GRM8: variants seen among roughly 807,000 people sequenced by gnomAD.
GRM8 encodes metabotropic glutamate receptor 8.
A neutral mutation model predicts 87.2 loss-of-function variants in GRM8; 47 were observed. The observed-to-expected ratio is 0.54, with a 90% confidence interval of 0.43 to 0.69. GRM8 has a LOEUF of 0.69. GRM8 is among the 30% of genes least tolerant of loss of function. The pLI, the probability that GRM8 is intolerant of heterozygous loss-of-function variation, is 0.00. For missense variants in GRM8, 1,019 were observed against 1,139.2 expected (o/e 0.89, Z 1.52); for synonymous variants, 396 against 404.5 (o/e 0.98, Z 0.25).
intron 8 of GRM8, among the ~76,000 whole-genome samples, chr7:126,563,616 T>A (rs1349695322): frequency 6.6e-6 from 1 of 152,188 alleles, no homozygotes; most frequent in Non-Finnish European, 1.5e-5. Flanking sequence ...CTCAAGGGCA[T>A]CAAGCTGTGG....
At chr7:126,687,556 G>T (rs1808319851) in intron 7 of GRM8, among the ~76,000 whole-genome samples, 1 of 151,154 alleles carries the variant, frequency 6.6e-6, no homozygotes. Context: ...CTACAAATAT[G>T]CTTTTATTTA....
intron 9 of GRM8, among the ~76,000 whole-genome samples, chr7:126,526,378 A>ACC (rs577655434): frequency 1.1e-3 from 165 of 152,294 alleles, no homozygotes; most frequent in African/African-American, 3.9e-3. Flanking sequence ...GGATTTTTCA[A>ACC]TCATATTCAG....
chr7:126,767,814 T>C (rs922912225), intron 7 of GRM8, among the ~76,000 whole-genome samples: 3 of 152,112 alleles, frequency 2.0e-5, no homozygotes, highest in Non-Finnish European at 4.4e-5. Context: ...TTATCCTGTA[T>C]TATCAGCTAC....
At chr7:127,131,183 G>C (rs1045490416) in intron 2 of GRM8, among the ~76,000 whole-genome samples, 1 of 152,106 alleles carries the variant, frequency 6.6e-6, no homozygotes, top group Non-Finnish European at 1.5e-5. Context: ...TTTTGTTCCA[G>C]GCAAAATTTT....
At chr7:126,605,916 G>C (rs762952725) in intron 8 of GRM8, among the ~76,000 whole-genome samples, 1 of 152,154 alleles carries the variant, frequency 6.6e-6, no homozygotes, top group Non-Finnish European at 1.5e-5. Context: ...GTTGGTCCGA[G>C]TGTTTGTCTC....
chr7:126,815,747 A>T (rs1793726661), intron 6 of GRM8, among the ~76,000 whole-genome samples: 1 of 152,130 alleles, frequency 6.6e-6, no homozygotes, highest in African/African-American at 2.4e-5. Context: ...AGGACTATAA[A>T]CTATTCTTCT....
At chr7:126,724,406 C>T (rs1314403806) in intron 7 of GRM8, among the ~76,000 whole-genome samples, 5 of 152,050 alleles carry the variant, frequency 3.3e-5, no homozygotes, top group African/African-American at 9.7e-5. Context: ...CAGGAAAACT[C>T]GAGGCCCTAG....
intron 7 of GRM8, among the ~76,000 whole-genome samples, chr7:126,671,199 C>A (rs1463980399): frequency 6.6e-6 from 1 of 152,146 alleles, no homozygotes; most frequent in Non-Finnish European, 1.5e-5. Context: ...CACTTTCTAA[C>A]AGGTCCAGGA....
At chr7:127,209,490 C>T (rs555589182) in intron 2 of GRM8, among the ~76,000 whole-genome samples, 2 of 152,322 alleles carry the variant, frequency 1.3e-5, no homozygotes, top group East Asian at 1.9e-4. Context: ...TTGCCACCGC[C>T]CTCACTGCTC....
At chr7:127,044,381 A>G (rs943574972) in intron 3 of GRM8, among the ~76,000 whole-genome samples, 6 of 152,186 alleles carry the variant, frequency 3.9e-5, no homozygotes, top group African/African-American at 1.4e-4. Context: ...ACCTTGCCCT[A>G]GAGTAACCAA....
chr7:127,203,933 T>G (rs1240552010), intron 2 of GRM8, among the ~76,000 whole-genome samples: 2 of 152,184 alleles, frequency 1.3e-5, no homozygotes, highest in Non-Finnish European at 2.9e-5. Context: ...TCTTAAATGT[T>G]ATTTTCATAA....
chr7:126,905,725 C>T (rs1048560371), intron 3 of GRM8, among the ~76,000 whole-genome samples: 2 of 152,056 alleles, frequency 1.3e-5, no homozygotes, highest in African/African-American at 2.4e-5. Flanking sequence ...GGGAAATAGG[C>T]ATTTGAATAA....
At chr7:127,104,830 T>G (rs962789931) in intron 3 of GRM8, among the ~76,000 whole-genome samples, 1 of 152,212 alleles carries the variant, frequency 6.6e-6, no homozygotes, top group Admixed American at 6.5e-5. Context: ...AAATAAAAAC[T>G]AAGTATTTCT....
chr7:126,533,809 T>G lies in GRM8; in HGVS notation c.1573A>C (p.Arg525=), dbSNP rs777509537. 1 of 1,614,002 alleles carries G rather than the reference T, an allele frequency of 6.2e-7. No homozygotes were observed. Among genetic ancestry groups the G allele is most frequent in the Non-Finnish European group, 8.5e-7 (1 of 1,179,956 alleles). Residue 525 remains arginine, a synonymous_variant, in exon 9 of 11, where the codon AGG becomes CGG. Transcript: ENST00000339582. The part of the protein sequence containing the change: ...VCSLPCKPGE[R]KKTVKGVPCC... ...GGGACCCCTTTCACCGTTTTCTTCC[T>G]CTCCCCTGGCTTACACGGCAGGCTG...
chr7:127,090,843 A>G (rs1196434909), intron 3 of GRM8: 2 of 152,236 alleles, frequency 1.3e-5, no homozygotes, highest in African/African-American at 2.4e-5. Context: ...GTGGACTGTT[A>G]GCCACGCCAT....
At chr7:127,027,674 T>C (rs1327471789) in intron 3 of GRM8, among the ~76,000 whole-genome samples, 2 of 152,202 alleles carry the variant, frequency 1.3e-5, no homozygotes, top group Admixed American at 1.3e-4. Context: ...TTTTTGCACA[T>C]TGATTTTGTA....
At chr7:127,219,048 A>C (rs1434822226) in intron 2 of GRM8, among the ~76,000 whole-genome samples, 1 of 152,254 alleles carries the variant, frequency 6.6e-6, no homozygotes, top group Non-Finnish European at 1.5e-5. Flanking sequence ...TATGCCAAGA[A>C]CTGCAATGTG....
intron 7 of GRM8, among the ~76,000 whole-genome samples, chr7:126,730,219 C>T (rs1027955427): frequency 9.2e-5 from 14 of 152,006 alleles, no homozygotes; most frequent in African/African-American, 3.4e-4. Flanking sequence ...AGAAATAGTA[C>T]TAGCAATGCA....
intron 3 of GRM8, among the ~76,000 whole-genome samples, chr7:127,017,143 G>A (rs1028980864): frequency 5.3e-5 from 8 of 151,942 alleles, no homozygotes; most frequent in Admixed American, 5.3e-4. Flanking sequence ...ACTATAATCT[G>A]TAGATTTTAA....
Sources: allele counts gnomAD v4.1 joint callset (sites outside exome capture counted in the v4.1 genomes callset), GRCh38; gene constraint gnomAD v4.1.1; transcripts MANE v1.5; gene names NCBI Gene and HGNC (gene_info 2026-07-23, HGNC 2026-07-21).